The following CHL1 variants were observed in gnomAD, a reference collection of about 807,000 sequenced individuals.
The protein encoded by CHL1 is neural cell adhesion molecule L1-like protein.
In CHL1, 96 loss-of-function variants were observed where a neutral mutation model predicts 141.9. The ratio of observed to expected loss-of-function variants is 0.68; its 90% CI spans 0.57 to 0.80. The LOEUF (loss-of-function observed/expected upper bound fraction) is 0.80, where lower values mean the gene tolerates loss of function less well. Among genes scored for constraint, CHL1 ranks in the 30% least tolerant of loss-of-function variants. CHL1 has a pLI of 0.00. For missense variants in CHL1, 1,820 were observed against 1,457.2 expected (o/e 1.25, Z -4.05); for synonymous variants, 613 against 502.2 (o/e 1.22, Z -2.95).
At chr3:377,615 GC>G (rs1203254161) in intron 15 of CHL1, among the ~76,000 whole-genome samples, 1 of 152,116 alleles carries the variant, frequency 6.6e-6, no homozygotes, top group Non-Finnish European at 1.5e-5. Flanking sequence ...TTTGTTTATG[GC>G]TATGTAGACA....
At chr3:271,020 G>A (rs1559362938) in intron 2 of CHL1, among the ~76,000 whole-genome samples, 1 of 152,196 alleles carries the variant, frequency 6.6e-6, no homozygotes, top group African/African-American at 2.4e-5. Flanking sequence ...CTGAATTCAA[G>A]GAGAGAGGTA....
Position 398,352 on chromosome 3 carries a change from A to G in CHL1, c.3220A>G (p.Ile1074Val). ...TAAGAATTGGGGCGATAATGATAGC[A>G]TTTTTCAAGATGTAATTGAGACAAG... Reference protein sequence around the residue: ...MTKNWGDNDSIFQDVIETRGR... With the variant: ...MTKNWGDNDSVFQDVIETRGR... The change falls in exon 25 of 28, where the codon ATT becomes GTT. Residue 1074 changes from isoleucine (I) to valine (V), a missense_variant. By Grantham distance (29) the Ile-to-Val change is conservative. Coordinates refer to ENST00000256509, the MANE Select transcript of CHL1 (RefSeq NM_006614.4). 1.2e-6 allele frequency: 2 copies of G among 1,603,758 alleles called. No individual in the cohort carries two copies. Among genetic ancestry groups the G allele is most frequent in the Non-Finnish European group, 1.7e-6 (2 of 1,170,864 alleles).
intron 3 of CHL1, 55 bp from the exon 4 acceptor site, chr3:325,904 T>C: frequency 8.2e-7 from 1 of 1,218,710 alleles, no homozygotes; most frequent in East Asian, 2.4e-5. Context: ...CGCTATAGAT[T>C]AACCTTGCCT....
chr3:344,842 A>C, intron 9 of CHL1, 133 bp downstream of exon 9: 6 of 828,170 alleles, frequency 7.2e-6, no homozygotes, highest in Non-Finnish European at 1.1e-5. Flanking sequence ...TCTGCCGGGC[A>C]CTGCAGATAT....
At chr3:231,621 A>C (rs1289650380) in intron 1 of CHL1, among the ~76,000 whole-genome samples, 1 of 124,528 alleles carries the variant, frequency 8.0e-6, no homozygotes, top group African/African-American at 3.0e-5. Flanking sequence ...TCTGTCACCC[A>C]GGCTGGAGTG....
chr3:342,152 T>C, intron 7 of CHL1, 70 bp downstream of exon 7: 2 of 1,403,128 alleles, frequency 1.4e-6, no homozygotes, highest in Non-Finnish European at 9.8e-7. Flanking sequence ...TCCTTCTGGC[T>C]GAAGCCATTT....
chr3:324,998 C>A (rs1700896237), intron 3 of CHL1, among the ~76,000 whole-genome samples: 1 of 151,748 alleles, frequency 6.6e-6, no homozygotes, highest in African/African-American at 2.4e-5. Context: ...CTATTAATGC[C>A]ATTATGCATC....
At chr3:253,968 T>C (rs1693927912) in intron 2 of CHL1, among the ~76,000 whole-genome samples, 1 of 149,794 alleles carries the variant, frequency 6.7e-6, no homozygotes, top group Non-Finnish European at 1.5e-5. Flanking sequence ...ATTTTGAACT[T>C]GATGATATTA....
chr3:360,298 G>A lies in CHL1; in HGVS notation c.1180G>A (p.Gly394Ser), dbSNP rs767705684. Residue 394 changes from glycine to serine, a missense_variant, in exon 12 of 28, where the codon GGT becomes AGT. Coordinates refer to ENST00000256509, the MANE Select transcript of CHL1 (RefSeq NM_006614.4). ...ATCTCTTTCAGATCATCCATTTGCTGGTGATGTTGTCTTCCCCAGGGAAAT... is the reference window on the plus strand; with the variant it reads ...ATCTCTTTCAGATCATCCATTTGCTAGTGATGTTGTCTTCCCCAGGGAAAT... ...GSPVDNHPFA[G>S]DVVFPREISF... is the part of the protein sequence containing the mutation. 6.8e-6 allele frequency: 11 copies of A among 1,613,734 alleles called. No homozygotes were observed. The South Asian group carries it at 8.8e-5, about 13-fold the overall frequency.
At chr3:323,280 G>A (rs181868363) in intron 3 of CHL1, among the ~76,000 whole-genome samples, 12 of 152,174 alleles carry the variant, frequency 7.9e-5, no homozygotes, top group African/African-American at 2.9e-4. Context: ...TGGAGGACAT[G>A]TATTGTCCAC....
At chr3:272,164 C>T (rs1695689826) in intron 2 of CHL1, among the ~76,000 whole-genome samples, 1 of 152,040 alleles carries the variant, frequency 6.6e-6, no homozygotes, top group Non-Finnish European at 1.5e-5. Flanking sequence ...TGTTTTTGTG[C>T]TTTACTGTAA....
chr3:326,127 C>T (rs1439546670), intron 4 of CHL1, 63 bp downstream of exon 4: 3 of 941,966 alleles, frequency 3.2e-6, no homozygotes, highest in Non-Finnish European at 5.0e-6. Flanking sequence ...CTGCTCTTTA[C>T]TCTTACCATC....
chr3:289,430 AT>A (rs66577194), intron 2 of CHL1, among the ~76,000 whole-genome samples: 11,793 of 152,206 alleles, frequency 0.077, 1,541 homozygotes, highest in African/African-American at 0.27. Flanking sequence ...GCCATTAATA[AT>A]TCACAATATG....
chr3:203,529 C>T (rs559725035), intron 1 of CHL1, among the ~76,000 whole-genome samples: 15 of 152,322 alleles, frequency 9.8e-5, no homozygotes, highest in African/African-American at 3.1e-4. Context: ...ACCTTAAAGA[C>T]GGGCCCACAT....
At position 404,228 on chromosome 3, in the gene CHL1, T is replaced by G. The variant is rs148253701; in HGVS notation, c.3459-1267T>G. ...CACATGTCACCTTTGCTCACTTTTT[T>G]TTTAAACCAAAGAAAATTCCATGGT... On this transcript the variant is annotated intron_variant, in intron 27 of 27. Coordinates refer to ENST00000256509, the MANE Select transcript of CHL1 (RefSeq NM_006614.4). 4.8e-4 allele frequency among the ~76,000 whole-genome samples: 73 copies of G among 152,304 alleles called. No homozygotes were observed. The East Asian group carries it at 0.013, about 27-fold the overall frequency.
rs1707076832 is a variant in CHL1 at position 381,822 on chromosome 3, G to A, written c.1877-357G>A. 3.9e-5 allele frequency among the ~76,000 whole-genome samples: 6 copies of A among 152,060 alleles called. No individual in the cohort carries two copies. In the South Asian group the frequency reaches 1.2e-3, roughly 32 times the overall value. On this transcript the variant is annotated intron_variant, in intron 16 of 27. Transcript: ENST00000256509. Reference sequence around the variant, plus strand: ...GGTCTCCATGCCAGCAAAGTTATTTGGTGAGAGTCTGGGTTCCAGAAAAAC... The same window carrying A: ...GGTCTCCATGCCAGCAAAGTTATTTAGTGAGAGTCTGGGTTCCAGAAAAAC...
intron 3 of CHL1, 73 bp downstream of exon 3, chr3:319,940 T>G (rs544558478): frequency 1.2e-6 from 1 of 807,326 alleles, no homozygotes; most frequent in African/African-American, 1.8e-5. Context: ...AGAATACTTA[T>G]GGATTGAGGA....
At chr3:386,179 A>C (rs1158158642) in intron 19 of CHL1, among the ~76,000 whole-genome samples, 2 of 148,744 alleles carry the variant, frequency 1.3e-5, no homozygotes, top group African/African-American at 5.0e-5. Flanking sequence ...ATTCCTATCT[A>C]CATGATAATG....
At position 348,039 on chromosome 3, in the gene CHL1, C is replaced by G. The variant is rs545786923; in HGVS notation, c.849-1320C>G. Among the ~76,000 whole-genome samples, 63 of 152,220 alleles carry G rather than the reference C, an allele frequency of 4.1e-4. 3 individuals are homozygous for G. The South Asian group carries it at 0.011, about 27-fold the overall frequency. On this transcript the variant is annotated intron_variant, in intron 9 of 27. Transcript: ENST00000256509. ...TACAAATAATTTGAGAATATTGACA[C>G]ACACGATTTCAAGGAATTGCTCAAT...
Sources: allele counts gnomAD v4.1 joint callset (sites outside exome capture counted in the v4.1 genomes callset), GRCh38; gene constraint gnomAD v4.1.1; transcripts MANE v1.5; gene names NCBI Gene and HGNC (gene_info 2026-07-23, HGNC 2026-07-21).